Variants in DISC1 observed in about 807,000 individuals in gnomAD.
DISC1 encodes DISC1 scaffold protein.
In DISC1, 57 loss-of-function variants were observed where a neutral mutation model predicts 84.5. The ratio of observed to expected loss-of-function variants is 0.67; its 90% CI spans 0.55 to 0.84. The LOEUF is 0.84. Ranked by LOEUF, DISC1 falls within the 40% of genes least tolerant of loss-of-function variation. The probability of loss-of-function intolerance (pLI) is 0.00; values close to 1 mark genes in which losing one functional copy is unlikely to be tolerated. For missense variants in DISC1, 1,000 were observed against 1,057.8 expected (o/e 0.95, Z 0.76); for synonymous variants, 411 against 415.2 (o/e 0.99, Z 0.12).
rs183091536 is a variant in DISC1 at position 231,841,008 on chromosome 1, T to C, written c.1981+22491T>C. Among the ~76,000 whole-genome samples the C allele has an allele frequency of 1.2e-4, 18 of 152,364 alleles. No homozygotes were observed. The East Asian group carries it at 3.3e-3, about 28-fold the overall frequency. ...AATCCTCTCTATGAGGTTGATGTTA[T>C]TATTACAGGTCGAACATTCCTAATC... On this transcript the variant is annotated intron_variant, in intron 9 of 12. Coordinates refer to ENST00000439617, the MANE Select transcript of DISC1 (RefSeq NM_018662.3).
At chr1:231,712,049 A>G (rs1310688213) in intron 3 of DISC1, among the ~76,000 whole-genome samples, 1 of 152,152 alleles carries the variant, frequency 6.6e-6, no homozygotes, top group African/African-American at 2.4e-5. Flanking sequence ...GGGAGATTGG[A>G]CCAATTGAAG....
chr1:231,819,732 T>A (rs1156365011), intron 9 of DISC1, among the ~76,000 whole-genome samples: 4 of 151,718 alleles, frequency 2.6e-5, no homozygotes, highest in Non-Finnish European at 5.9e-5. Context: ...GATTGTACAT[T>A]TGAAATAGGT....
At chr1:231,733,368 G>T (rs1362708398) in intron 3 of DISC1, among the ~76,000 whole-genome samples, 4 of 126,452 alleles carry the variant, frequency 3.2e-5, no homozygotes, top group Non-Finnish European at 6.5e-5. Context: ...GGTGGTAGTG[G>T]TAGTGAGTGG....
chr1:231,857,978 T>G (rs1446414191), intron 9 of DISC1, among the ~76,000 whole-genome samples: 1 of 152,220 alleles, frequency 6.6e-6, no homozygotes, highest in Non-Finnish European at 1.5e-5. Flanking sequence ...AGCTAACTCT[T>G]GCCGCTATAG....
chr1:232,036,480 A>G (rs1344063201), intron 12 of DISC1, among the ~76,000 whole-genome samples: 2 of 152,212 alleles, frequency 1.3e-5, no homozygotes, highest in Admixed American at 6.5e-5. Flanking sequence ...GAGAGAGTCA[A>G]TACCTCAGGC....
intron 3 of DISC1, among the ~76,000 whole-genome samples, chr1:231,741,575 T>C (rs1162673864): frequency 6.6e-6 from 1 of 152,050 alleles, no homozygotes; most frequent in Non-Finnish European, 1.5e-5. Flanking sequence ...GCCTTGAACA[T>C]GTGGAGGTGA....
chr1:231,837,888 C>T (rs16841582), intron 9 of DISC1, among the ~76,000 whole-genome samples: 27 of 151,982 alleles, frequency 1.8e-4, no homozygotes, highest in Admixed American at 1.4e-3. Flanking sequence ...TGGCAAATTT[C>T]GTTGCCACAA....
At chr1:231,852,408 A>G (rs896709764) in intron 9 of DISC1, among the ~76,000 whole-genome samples, 1 of 152,202 alleles carries the variant, frequency 6.6e-6, no homozygotes, top group Non-Finnish European at 1.5e-5. Context: ...GTGATATAGG[A>G]GAACTACTCA....
At chr1:231,997,515 C>G (rs1666107507) in intron 10 of DISC1, among the ~76,000 whole-genome samples, 1 of 152,098 alleles carries the variant, frequency 6.6e-6, no homozygotes, top group Non-Finnish European at 1.5e-5. Context: ...TTTTCTTCCT[C>G]CTTCACATTG....
intron 10 of DISC1, among the ~76,000 whole-genome samples, chr1:231,989,862 C>T (rs821649): frequency 0.43 from 65,409 of 151,956 alleles, 15,998 homozygotes; most frequent in African/African-American, 0.68. Flanking sequence ...ACATGCGCAC[C>T]GAGTTCAGTA....
chr1:231,917,047 T>C (rs1228677002), intron 9 of DISC1, among the ~76,000 whole-genome samples: 1 of 152,206 alleles, frequency 6.6e-6, no homozygotes, highest in Middle Eastern at 3.2e-3. Context: ...TCTTTCGGGG[T>C]ACGACATAGA....
In DISC1 at chr1:231,639,434, A is replaced by G. The variant is rs369936143; in HGVS notation, c.67+12500A>G. Among the ~76,000 whole-genome samples, 3 of 152,334 alleles carry G rather than the reference A, an allele frequency of 2.0e-5. No homozygotes were observed. In the South Asian group the frequency reaches 6.2e-4, roughly 32 times the overall value. On this transcript the variant is annotated intron_variant, in intron 1 of 12. Coordinates refer to ENST00000439617, the MANE Select transcript of DISC1 (RefSeq NM_018662.3). The stretch of plus-strand genomic sequence containing the variant: ...CTCCTGCGTTCATCATTTATCATGA[A>G]GTATGGTGCATTCCTGAAACACTGG...
At position 231,958,059 on chromosome 1, in the gene DISC1, A is replaced by G. The variant is rs540247734; in HGVS notation, c.1982-769A>G. Among the ~76,000 whole-genome samples the G allele has an allele frequency of 5.3e-5, 8 of 152,292 alleles. No individual in the cohort carries two copies. In the South Asian group the frequency reaches 1.7e-3, roughly 32 times the overall value. On this transcript the variant is annotated intron_variant, in intron 9 of 12. Coordinates refer to ENST00000439617, the MANE Select transcript of DISC1 (RefSeq NM_018662.3). ...GGCAGCACCATTGATAATTCCAGCCACCATTTGCTAGAAACCCCTTGGCTG... is the reference window on the plus strand; with the variant it reads ...GGCAGCACCATTGATAATTCCAGCCGCCATTTGCTAGAAACCCCTTGGCTG...
chr1:231,847,293 C>T (rs191729342), intron 9 of DISC1, among the ~76,000 whole-genome samples: 3 of 152,212 alleles, frequency 2.0e-5, no homozygotes, highest in African/African-American at 7.2e-5. Flanking sequence ...TAGGGCTCAA[C>T]CTCTTGACCT....
At chr1:231,903,679 A>C (rs928898924) in intron 9 of DISC1, among the ~76,000 whole-genome samples, 3 of 152,192 alleles carry the variant, frequency 2.0e-5, no homozygotes, top group African/African-American at 7.2e-5. Flanking sequence ...AGGGAGCCTC[A>C]AGGCCTTTAG....
chr1:231,654,787 C>T (rs896047974), intron 1 of DISC1, among the ~76,000 whole-genome samples: 5 of 152,134 alleles, frequency 3.3e-5, no homozygotes, highest in Non-Finnish European at 5.9e-5. Flanking sequence ...TAGCAAATCC[C>T]TAAGTTTTTT....
chr1:231,821,996 C>T (rs981738742), intron 9 of DISC1, among the ~76,000 whole-genome samples: 6 of 152,088 alleles, frequency 3.9e-5, no homozygotes, highest in African/African-American at 1.2e-4. Context: ...CCACCGCGCC[C>T]GGCCTACAAC....
intron 1 of DISC1, among the ~76,000 whole-genome samples, chr1:231,669,714 A>C (rs182214274): frequency 4.6e-5 from 7 of 152,212 alleles, no homozygotes; most frequent in Non-Finnish European, 7.4e-5. Flanking sequence ...ATTAAAAAGT[A>C]AAAGAATAAC....
intron 1 of DISC1, among the ~76,000 whole-genome samples, chr1:231,672,578 T>G (rs1323046043): frequency 1.3e-5 from 2 of 152,186 alleles, no homozygotes; most frequent in African/African-American, 4.8e-5. Flanking sequence ...TGTGCTGTCC[T>G]TAGTATATTT....
Sources: allele counts gnomAD v4.1 joint callset (sites outside exome capture counted in the v4.1 genomes callset), GRCh38; gene constraint gnomAD v4.1.1; transcripts MANE v1.5; gene names NCBI Gene and HGNC (gene_info 2026-07-23, HGNC 2026-07-21).